The following MFN1 variants were observed in gnomAD, a reference collection of about 807,000 sequenced individuals.
The protein encoded by MFN1 is mitofusin-1.
Under a neutral mutation model 92.4 loss-of-function variants are expected in MFN1, and 65 were observed. The observed-to-expected ratio is 0.70, with a 90% confidence interval of 0.58 to 0.86. The LOEUF (loss-of-function observed/expected upper bound fraction) is 0.86, where lower values mean the gene tolerates loss of function less well. MFN1 is among the 40% of genes least tolerant of loss of function. The pLI is 0.00. For synonymous variants in MFN1, 297 were observed against 300.9 expected, an observed-to-expected ratio of 0.99 and a Z score of 0.13; for missense variants, 781 against 868.0, an observed-to-expected ratio of 0.90 and a Z score of 1.26.
chr3:179,378,552 T>C (rs774003847), intron 13 of MFN1, 33 bp from the exon 14 acceptor site: 21 of 1,554,172 alleles, frequency 1.4e-5, no homozygotes, highest in Admixed American at 1.8e-5. Context: ...TTTACCATTC[T>C]TATCTTAAGT....
At chr3:179,374,693 T>C (rs2108545399) in intron 9 of MFN1, among the ~76,000 whole-genome samples, 1 of 152,264 alleles carries the variant, frequency 6.6e-6, no homozygotes, top group South Asian at 2.1e-4. Context: ...TGTTACATTG[T>C]TAAATGTTAG....
At chr3:179,391,908 T>C (rs1454394542) in intron 17 of MFN1, 73 bp from the exon 18 acceptor site, 1 of 935,064 alleles carries the variant, frequency 1.1e-6, no homozygotes, top group Non-Finnish European at 1.7e-6. Flanking sequence ...TTTTGTCTTT[T>C]AATAATGGAT....
rs757992807 is a variant in MFN1, at chr3:179,378,786, T to C, written c.1634T>C (p.Leu545Pro). The C allele has an allele frequency of 1.2e-5, 20 of 1,613,492 alleles. No homozygotes were observed. The highest frequency in any genetic ancestry group is 1.6e-5 in the Non-Finnish European group (19 of 1,179,538). ...GGCCCTAGAAATGCTCAAAGGGTGCTCCTAGGATTATCAGAGCCTATCTTT... is the reference window on the plus strand; with the variant it reads ...GGCCCTAGAAATGCTCAAAGGGTGCCCCTAGGATTATCAGAGCCTATCTTT... ...FLGPRNAQRV[L>P]LGLSEPIFQL... Residue 545 changes from leucine (L) to proline (P), a missense_variant, in exon 14 of 18, where the codon CTC becomes CCC. By Grantham distance (98) the Leu-to-Pro change is moderately conservative. Coordinates refer to ENST00000471841, the MANE Select transcript of MFN1 (RefSeq NM_033540.3).
At chr3:179,348,667 C>T (rs1474303540) in intron 1 of MFN1, 178 bp from the exon 2 acceptor site, 2 of 850,908 alleles carry the variant, frequency 2.4e-6, no homozygotes, top group Middle Eastern at 3.8e-4. Flanking sequence ...AGTGAAATAT[C>T]ATTCAAAAGT....
intron 9 of MFN1, among the ~76,000 whole-genome samples, chr3:179,369,717 G>A (rs1436412528): frequency 2.0e-5 from 3 of 152,036 alleles, no homozygotes; most frequent in Non-Finnish European, 4.4e-5. Flanking sequence ...AGGGGGTTGG[G>A]GTTGGTCTAG....
chr3:179,365,084 G>A (rs1560193406), intron 6 of MFN1, 34 bp from the exon 7 acceptor site: 1 of 1,174,352 alleles, frequency 8.5e-7, no homozygotes, highest in Non-Finnish European at 1.2e-6. Context: ...GTAAATTATA[G>A]TGAATGTACT....
chr3:179,375,694 C>T (rs990797098), intron 10 of MFN1, among the ~76,000 whole-genome samples: 9 of 152,184 alleles, frequency 5.9e-5, no homozygotes, highest in African/African-American at 1.4e-4. Context: ...CTGCATTCAA[C>T]CCACGACCCA....
chr3:179,351,839 A>G (rs1458781746), intron 2 of MFN1, 61 bp from the exon 3 acceptor site: 9 of 1,489,120 alleles, frequency 6.0e-6, no homozygotes, highest in South Asian at 1.3e-5. Context: ...TAGGTATTCC[A>G]TTATATAACT....
chr3:179,367,076 T>G (rs1211386840), intron 7 of MFN1, among the ~76,000 whole-genome samples: 1 of 152,204 alleles, frequency 6.6e-6, no homozygotes, highest in Admixed American at 6.5e-5. Context: ...TACCGGCACC[T>G]GCCACCACAC....
intron 14 of MFN1, among the ~76,000 whole-genome samples, chr3:179,380,509 A>G (rs1713423667): frequency 6.6e-6 from 1 of 152,178 alleles, no homozygotes; most frequent in African/African-American, 2.4e-5. Flanking sequence ...TGGTTTCACA[A>G]ACATTTTATA....
intron 12 of MFN1, 191 bp from the exon 13 acceptor site, chr3:179,378,150 G>T: frequency 1.8e-6 from 1 of 571,390 alleles, no homozygotes. Flanking sequence ...CGTGAGCCTA[G>T]GAGGTCAAGG....
intron 4 of MFN1, among the ~76,000 whole-genome samples, chr3:179,361,573 G>A (rs1434588838): frequency 4.8e-5 from 7 of 144,478 alleles, no homozygotes; most frequent in African/African-American, 1.8e-4. Flanking sequence ...GTCTTGCTCT[G>A]TTGCCCAGGC....
At chr3:179,384,785 A>G (rs1713607226) in intron 14 of MFN1, among the ~76,000 whole-genome samples, 1 of 152,048 alleles carries the variant, frequency 6.6e-6, no homozygotes, top group Non-Finnish European at 1.5e-5. Context: ...TCCTCCTGCC[A>G]TGGCCTCCCA....
At chr3:179,357,580 C>T (rs1197866431) in intron 3 of MFN1, among the ~76,000 whole-genome samples, 2 of 152,014 alleles carry the variant, frequency 1.3e-5, no homozygotes, top group Admixed American at 6.5e-5. Context: ...AAACATATGC[C>T]GAAAAGATAG....
chr3:179,380,644 C>T (rs1713429316), intron 14 of MFN1, among the ~76,000 whole-genome samples: 1 of 152,208 alleles, frequency 6.6e-6, no homozygotes, highest in Non-Finnish European at 1.5e-5. Flanking sequence ...TTCATTATTT[C>T]AACCTTGTGA....
At chr3:179,370,547 G>A in intron 9 of MFN1, among the ~76,000 whole-genome samples, 1 of 151,960 alleles carries the variant, frequency 6.6e-6, no homozygotes, top group Non-Finnish European at 1.5e-5. Flanking sequence ...TAGTAGCTGG[G>A]ACTACAGGGG....
chr3:179,385,436 A>G lies in MFN1; in HGVS notation c.1663-133A>G, dbSNP rs959744754. On this transcript the variant is annotated intron_variant, in intron 14 of 17. Transcript: ENST00000471841. ...TCCAAATTATTTTTATTTTCTACAT[A>G]TATTTGTGGTGTACTCATCATTTAG... 4 of 633,950 alleles carry G rather than the reference A, an allele frequency of 6.3e-6. No homozygotes were observed. In the East Asian group the frequency reaches 8.9e-5, roughly 14 times the overall value. The allele number at this position is 633,950 out of a possible 1,614,324, so 39.3% of individuals were successfully genotyped here.
At chr3:179,385,332 C>T (rs1021947533) in intron 14 of MFN1, among the ~76,000 whole-genome samples, 4 of 151,408 alleles carry the variant, frequency 2.6e-5, no homozygotes, top group Non-Finnish European at 5.9e-5. Context: ...TGAGGGCCTA[C>T]TGTTACATTT....
intron 7 of MFN1, among the ~76,000 whole-genome samples, chr3:179,366,958 T>C (rs1459956215): frequency 6.6e-6 from 1 of 152,172 alleles, no homozygotes; most frequent in East Asian, 1.9e-4. Context: ...GACGGAGTCT[T>C]GCTCTGTCAC....
Sources: gnomAD v4.1 joint callset for allele counts (sites outside exome capture counted in the v4.1 genomes callset) on GRCh38, gnomAD v4.1.1 for gene constraint, MANE v1.5 for transcripts, NCBI Gene and HGNC (gene_info 2026-07-23, HGNC 2026-07-21) for gene names.